Variants in PAQR5 observed in about 807,000 individuals in gnomAD.
PAQR5 encodes membrane progestin receptor gamma.
A neutral mutation model predicts 34.5 loss-of-function variants in PAQR5; 20 were observed. The observed-to-expected ratio is 0.58, with a 90% CI of 0.41 to 0.84. PAQR5 has a LOEUF of 0.84. Among genes scored for constraint, PAQR5 ranks in the 40% least tolerant of loss-of-function variants. The pLI, the probability that PAQR5 is intolerant of heterozygous loss-of-function variation, is 0.00. For missense variants in PAQR5, 378 were observed against 412.7 expected (o/e 0.92, Z 0.73); for synonymous variants, 131 against 155.6 (o/e 0.84, Z 1.18).
At chr15:69,315,361 C>G (rs1204556235) in intron 1 of PAQR5, among the ~76,000 whole-genome samples, 1 of 152,152 alleles carries the variant, frequency 6.6e-6, no homozygotes, top group Admixed American at 6.5e-5. Context: ...AAAGTTTGCT[C>G]TAATAATTCC....
chr15:69,330,056 T>C (rs930005872), intron 1 of PAQR5, among the ~76,000 whole-genome samples: 1 of 152,226 alleles, frequency 6.6e-6, no homozygotes, highest in African/African-American at 2.4e-5. Flanking sequence ...GCCAAATTCA[T>C]ACCTAGGAGA....
At chr15:69,318,333 G>A (rs756467306) in intron 1 of PAQR5, among the ~76,000 whole-genome samples, 25 of 152,242 alleles carry the variant, frequency 1.6e-4, no homozygotes, top group Non-Finnish European at 3.2e-4. Context: ...TTTGGTGTCA[G>A]ACATTATGCA....
chr15:69,389,389 G>A (rs1443632269), intron 5 of PAQR5, among the ~76,000 whole-genome samples: 1 of 152,258 alleles, frequency 6.6e-6, no homozygotes, highest in Non-Finnish European at 1.5e-5. Flanking sequence ...AGTTATGAAG[G>A]AGGATGGTTG....
At chr15:69,318,137 A>G (rs1003229607) in intron 1 of PAQR5, among the ~76,000 whole-genome samples, 3 of 152,214 alleles carry the variant, frequency 2.0e-5, no homozygotes, top group Non-Finnish European at 4.4e-5. Context: ...CCAGAGGGGC[A>G]TTGGTGTGCT....
intron 1 of PAQR5, among the ~76,000 whole-genome samples, chr15:69,328,262 C>T (rs900817073): frequency 1.3e-5 from 2 of 152,216 alleles, no homozygotes; most frequent in Admixed American, 6.5e-5. Context: ...AGCTTATGTA[C>T]ATTATTTCAT....
At chr15:69,313,178 A>G (rs1413651148) in intron 1 of PAQR5, among the ~76,000 whole-genome samples, 1 of 152,140 alleles carries the variant, frequency 6.6e-6, no homozygotes, top group Non-Finnish European at 1.5e-5. Context: ...GATATGCCCT[A>G]TAGTCCCCAT....
chr15:69,351,196 C>G (rs1041387803), intron 2 of PAQR5, among the ~76,000 whole-genome samples: 4 of 152,194 alleles, frequency 2.6e-5, no homozygotes, highest in African/African-American at 9.6e-5. Flanking sequence ...CATAATAAAT[C>G]AAAAACAATA....
chr15:69,313,319 T>A (rs1473882841), intron 1 of PAQR5, among the ~76,000 whole-genome samples: 1 of 152,098 alleles, frequency 6.6e-6, no homozygotes, highest in East Asian at 1.9e-4. Context: ...GGCAACATAG[T>A]GAGACCCCCA....
intron 6 of PAQR5, among the ~76,000 whole-genome samples, chr15:69,390,360 A>ATTTATTTTTTTTT (rs1555423101): frequency 7.4e-6 from 1 of 135,840 alleles, no homozygotes; most frequent in Admixed American, 7.5e-5. Context: ...TTATTTATTT[A>ATTTATTTTTTTTT]TTTTTTTGAG....
At chr15:69,346,754 T>G (rs1276648189) in intron 2 of PAQR5, among the ~76,000 whole-genome samples, 1 of 151,982 alleles carries the variant, frequency 6.6e-6, no homozygotes, top group Non-Finnish European at 1.5e-5. Context: ...CCTGAGTAGC[T>G]GGGACTGCAG....
At chr15:69,316,241 C>T (rs1039080783) in intron 1 of PAQR5, among the ~76,000 whole-genome samples, 6 of 152,208 alleles carry the variant, frequency 3.9e-5, no homozygotes, top group South Asian at 2.1e-4. Context: ...CCACCACACC[C>T]GGCTAGTTTT....
intron 6 of PAQR5, 71 bp from the exon 7 acceptor site, chr15:69,397,397 T>C: frequency 1.0e-6 from 1 of 974,106 alleles, no homozygotes; most frequent in Non-Finnish European, 1.7e-6. Flanking sequence ...TCGGTGTGCA[T>C]GCATGTGCGT....
At chr15:69,400,192 C>G in intron 8 of PAQR5, 77 bp downstream of exon 8, 1 of 1,413,194 alleles carries the variant, frequency 7.1e-7, no homozygotes, top group South Asian at 1.3e-5. Flanking sequence ...CTCCAGTGCA[C>G]GTAGCTGCAA....
At chr15:69,316,340 C>G (rs2053948529) in intron 1 of PAQR5, among the ~76,000 whole-genome samples, 1 of 152,106 alleles carries the variant, frequency 6.6e-6, no homozygotes, top group South Asian at 2.1e-4. Context: ...CTTGGCCTCC[C>G]AAGGTTCTGG....
chr15:69,303,351 C>T (rs1456975783), intron 1 of PAQR5, among the ~76,000 whole-genome samples: 1 of 152,066 alleles, frequency 6.6e-6, no homozygotes, highest in Non-Finnish European at 1.5e-5. Context: ...CCAGAGTTAC[C>T]CAAAGGGGCA....
At chr15:69,398,891 GC>G (rs1481266629) in intron 7 of PAQR5, among the ~76,000 whole-genome samples, 3 of 152,238 alleles carry the variant, frequency 2.0e-5, no homozygotes, top group African/African-American at 7.2e-5. Context: ...GCTGGAATCA[GC>G]CTGCCTGGAT....
intron 6 of PAQR5, chr15:69,391,090 C>G (rs2056256377): frequency 6.6e-6 from 1 of 152,630 alleles, no homozygotes; most frequent in Non-Finnish European, 1.5e-5. Context: ...CATCTGAGTT[C>G]TCTGTCCTCC....
intron 6 of PAQR5, 30 bp from the exon 7 acceptor site, chr15:69,397,437 AT>A: frequency 6.8e-7 from 1 of 1,464,918 alleles, no homozygotes; most frequent in Non-Finnish European, 9.6e-7. Context: ...TTTTCATTCC[AT>A]TTCCTCCCCA....
At chr15:69,381,086 A>AG (rs2055872945) in intron 4 of PAQR5, among the ~76,000 whole-genome samples, 1 of 152,242 alleles carries the variant, frequency 6.6e-6, no homozygotes, top group East Asian at 1.9e-4. Context: ...GGAGTGTGGC[A>AG]GCCCTGGGCC....
Sources: gnomAD v4.1 joint callset for allele counts (sites outside exome capture counted in the v4.1 genomes callset) on GRCh38, gnomAD v4.1.1 for gene constraint, MANE v1.5 for transcripts, NCBI Gene and HGNC (gene_info 2026-07-23, HGNC 2026-07-21) for gene names.